The following MAST2 variants were observed in gnomAD, a reference collection of about 807,000 sequenced individuals.
The protein encoded by MAST2 is microtubule-associated serine/threonine-protein kinase 2.
A neutral mutation model predicts 147.4 loss-of-function variants in MAST2; 70 were observed. That is an observed-to-expected ratio of 0.47 (90% CI 0.39 to 0.58). The LOEUF is 0.58. Among genes scored for constraint, MAST2 ranks in the 20% least tolerant of loss-of-function variants. MAST2 has a pLI of 0.00. For missense variants in MAST2, 2,080 were observed against 2,302.3 expected (o/e 0.90, Z 1.98); for synonymous variants, 869 against 896.8 (o/e 0.97, Z 0.55).
intron 4 of MAST2, among the ~76,000 whole-genome samples, chr1:45,943,749 A>AAAAT (rs541609715): frequency 0.022 from 3,350 of 152,142 alleles, 62 homozygotes; most frequent in Non-Finnish European, 0.035. Context: ...TCTGTCTCAA[A>AAAAT]AAATAAATAA....
rs1557511598 is a variant in MAST2 at position 46,030,671 on chromosome 1, G to GCA, written c.2619_2620dup (p.Ser874ThrfsTer3). The GCA allele has an allele frequency of 6.2e-7, 1 of 1,611,280 alleles. No individual in the cohort carries two copies. The highest frequency in any genetic ancestry group is 8.5e-7 in the Non-Finnish European group (1 of 1,179,140). ...CGCCGGACACCACCCCCGACCAAGCGCAGCCTGAGTGAGGAGAAGGAGGAC... is the reference window on the plus strand; with the variant it reads ...CGCCGGACACCACCCCCGACCAAGCGCACAGCCTGAGTGAGGAGAAGGAGGAC... On this transcript the variant is annotated frameshift_variant, in exon 22 of 29. Transcript: ENST00000361297. LOFTEE classifies it high-confidence loss of function.
chr1:46,016,657 A>G (rs555208203), intron 10 of MAST2, among the ~76,000 whole-genome samples: 1 of 18,372 alleles, frequency 5.4e-5, no homozygotes, highest in African/African-American at 1.3e-4. Context: ...ACTACAAACC[A>G]CTGCTCAGTG....
In MAST2 at chr1:46,030,257, A is replaced by T. The variant is rs1261137602; in HGVS notation, c.2553+19A>T. On this transcript the variant is annotated intron_variant, in intron 21 of 28. Transcript: ENST00000361297. ...CAACAAGGTGTGACTGAGGAGGCCC[A>T]GAATGGGCAGAACAGGCTGGAGGAT... is the stretch of plus-strand genomic sequence containing the variant. The T allele has an allele frequency of 6.2e-7, 1 of 1,607,930 alleles. No individual in the cohort carries two copies. The highest frequency in any genetic ancestry group is 1.7e-5 in the Admixed American group (1 of 59,816).
chr1:45,910,019 C>G (rs887843091), intron 4 of MAST2, among the ~76,000 whole-genome samples: 1 of 152,170 alleles, frequency 6.6e-6, no homozygotes, highest in African/African-American at 2.4e-5. Flanking sequence ...GCCACTGTGC[C>G]CAGCTACTTG....
intron 15 of MAST2, chr1:46,024,394 A>G (rs930914577): frequency 8.6e-6 from 2 of 232,760 alleles, no homozygotes; most frequent in African/African-American, 4.4e-5. Flanking sequence ...ACCCCTTAAA[A>G]CCAAGCAAAA....
chr1:45,907,421 A>C (rs1650942119), intron 4 of MAST2, among the ~76,000 whole-genome samples: 1 of 151,998 alleles, frequency 6.6e-6, no homozygotes, highest in African/African-American at 2.4e-5. Flanking sequence ...TAAAGTCTTA[A>C]AAATTATGGC....
chr1:45,864,591 C>T (rs776469314), intron 3 of MAST2, among the ~76,000 whole-genome samples: 8 of 152,104 alleles, frequency 5.3e-5, no homozygotes, highest in African/African-American at 1.7e-4. Context: ...GCATCAGAAT[C>T]GTATGTTTTT....
chr1:45,824,728 A>G, intron 2 of MAST2, 148 bp downstream of exon 2: 2 of 770,400 alleles, frequency 2.6e-6, no homozygotes, highest in Non-Finnish European at 3.9e-6. Flanking sequence ...TCCTCTCCTT[A>G]CTTCTTCCTC....
intron 4 of MAST2, among the ~76,000 whole-genome samples, chr1:45,947,270 C>A (rs1332493776): frequency 7.0e-6 from 1 of 143,616 alleles, no homozygotes; most frequent in African/African-American, 2.6e-5. Flanking sequence ...TGTCTTGGGC[C>A]ACACACAGAA....
intron 4 of MAST2, among the ~76,000 whole-genome samples, chr1:45,939,868 G>A (rs1656913733): frequency 6.6e-6 from 1 of 151,644 alleles, no homozygotes; most frequent in African/African-American, 2.4e-5. Context: ...AAAAGACCTT[G>A]CTGGCATTTT....
intron 4 of MAST2, among the ~76,000 whole-genome samples, chr1:45,889,407 A>C (rs7515491): frequency 6.6e-6 from 1 of 151,456 alleles, no homozygotes; most frequent in Admixed American, 6.6e-5. Context: ...GGCTGGTCTC[A>C]AACTCCTGGG....
chr1:45,955,627 G>A (rs1659547788), intron 4 of MAST2, among the ~76,000 whole-genome samples: 1 of 152,122 alleles, frequency 6.6e-6, no homozygotes, highest in African/African-American at 2.4e-5. Context: ...TGAAGGAAGA[G>A]GGGAGCAAGC....
intron 5 of MAST2, among the ~76,000 whole-genome samples, chr1:45,976,017 C>T (rs1644139067): frequency 2.0e-5 from 3 of 151,214 alleles, no homozygotes. Context: ...CTCTGTTGCC[C>T]AGGCTGGAGT....
intron 4 of MAST2, among the ~76,000 whole-genome samples, chr1:45,930,288 C>A (rs1655064004): frequency 6.6e-6 from 1 of 152,004 alleles, no homozygotes; most frequent in South Asian, 2.1e-4. Flanking sequence ...ACCATCTTGG[C>A]CAGGCTGATC....
chr1:45,950,526 C>T (rs1456213621), intron 4 of MAST2, among the ~76,000 whole-genome samples: 2 of 152,154 alleles, frequency 1.3e-5, no homozygotes, highest in African/African-American at 2.4e-5. Flanking sequence ...TGTAAGCCTT[C>T]ACTTAACTGA....
chr1:45,808,087 G>T (rs147390212), intron 1 of MAST2, among the ~76,000 whole-genome samples: 108 of 152,122 alleles, frequency 7.1e-4, no homozygotes, highest in Middle Eastern at 3.4e-3. Flanking sequence ...TTAAGAATAC[G>T]TTCTAATCAG....
intron 9 of MAST2, among the ~76,000 whole-genome samples, chr1:46,009,817 G>A (rs757191864): frequency 9.9e-5 from 15 of 152,142 alleles, no homozygotes; most frequent in Non-Finnish European, 1.8e-4. Context: ...ACATATATAT[G>A]TATGTAGGTA....
chr1:45,993,843 G>A (rs1215171108), intron 5 of MAST2, among the ~76,000 whole-genome samples: 2 of 152,014 alleles, frequency 1.3e-5, no homozygotes, highest in Admixed American at 1.3e-4. Context: ...CTGACAAAAT[G>A]GATACAAATT....
At chr1:45,988,767 A>T (rs148509860) in intron 5 of MAST2, among the ~76,000 whole-genome samples, 19 of 152,296 alleles carry the variant, frequency 1.2e-4, no homozygotes, top group African/African-American at 4.6e-4. Context: ...TTGGCCATCA[A>T]GGTCCTTTCA....
Sources: gnomAD v4.1 joint callset for allele counts (sites outside exome capture counted in the v4.1 genomes callset) on GRCh38, gnomAD v4.1.1 for gene constraint, MANE v1.5 for transcripts, NCBI Gene and HGNC (gene_info 2026-07-23, HGNC 2026-07-21) for gene names.